The following IL1RAPL1 variants were observed in gnomAD, a reference collection of about 807,000 sequenced individuals.
The protein encoded by IL1RAPL1 is interleukin 1 receptor accessory protein like 1.
IL1RAPL1 carries 3 observed loss-of-function variants against 48.4 expected under a neutral mutation model. That is an observed-to-expected ratio of 0.06 (90% CI 0.03 to 0.16). The LOEUF (loss-of-function observed/expected upper bound fraction) is 0.16. IL1RAPL1 is among the 10% of genes least tolerant of loss of function. IL1RAPL1 has a pLI of 1.00. For missense variants in IL1RAPL1, 349 were observed against 530.6 expected (o/e 0.66, Z 3.36); for synonymous variants, 185 against 187.7 (o/e 0.99, Z 0.12).
chrX:29,243,480 C>T (rs1194911291), intron 2 of IL1RAPL1, among the ~76,000 whole-genome samples: 2 of 111,686 alleles, frequency 1.8e-5, no homozygotes, highest in Non-Finnish European at 3.8e-5. Flanking sequence ...CTGTCACCCT[C>T]TCTCTGGGAC....
At chrX:29,140,869 C>G (rs1270276696) in intron 2 of IL1RAPL1, among the ~76,000 whole-genome samples, 1 of 111,112 alleles carries the variant, frequency 9.0e-6, no homozygotes, top group East Asian at 2.8e-4. Flanking sequence ...ACCTAATTAC[C>G]TGCTAAACAC....
rs758888514 is a variant in IL1RAPL1, at chrX:29,274,042, T to C, written c.83-8896T>C. ...CAAAGTTACATAAATATCCCCATGATTTTTTCCTCAAGTTATCACCCCTTT... is the reference window on the plus strand; with the variant it reads ...CAAAGTTACATAAATATCCCCATGACTTTTTCCTCAAGTTATCACCCCTTT... On this transcript the variant is annotated intron_variant, in intron 2 of 10. Transcript: ENST00000378993. Among the ~76,000 whole-genome samples, 8 of 111,759 alleles carry C rather than the reference T, an allele frequency of 7.2e-5. No homozygotes were observed. The South Asian group carries it at 1.1e-3, about 16-fold the overall frequency.
chrX:29,073,064 G>A (rs970987909), intron 2 of IL1RAPL1, among the ~76,000 whole-genome samples: 3 of 111,802 alleles, frequency 2.7e-5, no homozygotes, highest in African/African-American at 9.7e-5. Context: ...TACAATTTAT[G>A]GAACATATTT....
intron 2 of IL1RAPL1, among the ~76,000 whole-genome samples, chrX:29,263,869 C>T (rs372190603): frequency 9.0e-5 from 9 of 99,872 alleles, no homozygotes; most frequent in East Asian, 3.5e-4. Flanking sequence ...CTCCCCCCCC[C>T]CCGCTCTCAT....
At chrX:29,356,588 C>T (rs926281600) in intron 3 of IL1RAPL1, among the ~76,000 whole-genome samples, 1 of 110,689 alleles carries the variant, frequency 9.0e-6, no homozygotes, top group Non-Finnish European at 1.9e-5. Flanking sequence ...CACACACGCA[C>T]ACACTCACAT....
intron 6 of IL1RAPL1, among the ~76,000 whole-genome samples, chrX:29,869,504 A>C (rs754976288): frequency 9.0e-6 from 1 of 111,608 alleles, no homozygotes; most frequent in Admixed American, 9.6e-5. Context: ...CTTGTGAACT[A>C]TGGGCTTCAA....
chrX:28,982,698 CGAA>C (rs1299953541), intron 2 of IL1RAPL1, among the ~76,000 whole-genome samples: 1 of 111,864 alleles, frequency 8.9e-6, no homozygotes, highest in East Asian at 2.8e-4. Flanking sequence ...AGGTAAGTGC[CGAA>C]TCTGACCACA....
At chrX:29,802,752 T>C (rs1157221852) in intron 6 of IL1RAPL1, among the ~76,000 whole-genome samples, 1 of 17,672 alleles carries the variant, frequency 5.7e-5, no homozygotes, top group Non-Finnish European at 8.9e-5. Flanking sequence ...AAAAATTATA[T>C]ATATATATAT....
chrX:28,985,425 C>G (rs1295969827), intron 2 of IL1RAPL1, among the ~76,000 whole-genome samples: 3 of 111,618 alleles, frequency 2.7e-5, no homozygotes, highest in African/African-American at 9.8e-5. Flanking sequence ...CTAAGTGATC[C>G]TACATAACAC....
At chrX:29,797,186 T>C (rs2147165398) in intron 6 of IL1RAPL1, among the ~76,000 whole-genome samples, 1 of 112,649 alleles carries the variant, frequency 8.9e-6, no homozygotes, top group African/African-American at 3.2e-5. Context: ...TTCCCTAAAG[T>C]CAAAGATTTT....
chrX:29,871,514 G>A (rs1171624532), intron 6 of IL1RAPL1, among the ~76,000 whole-genome samples: 2 of 111,911 alleles, frequency 1.8e-5, no homozygotes, highest in Non-Finnish European at 3.8e-5. Flanking sequence ...AATTCTATAG[G>A]TTTTACCTGC....
chrX:29,802,115 G>A (rs949062705), intron 6 of IL1RAPL1, among the ~76,000 whole-genome samples: 2 of 111,696 alleles, frequency 1.8e-5, no homozygotes, highest in African/African-American at 3.2e-5. Context: ...GGGGGCCATT[G>A]GCCAAAGTTT....
chrX:29,790,815 T>G (rs767417332), intron 6 of IL1RAPL1, among the ~76,000 whole-genome samples: 7 of 111,864 alleles, frequency 6.3e-5, no homozygotes, highest in Non-Finnish European at 1.1e-4. Flanking sequence ...AGCCACTACT[T>G]TACAGTAAAT....
chrX:28,656,753 G>A (rs1029269623), intron 1 of IL1RAPL1, among the ~76,000 whole-genome samples: 8 of 111,677 alleles, frequency 7.2e-5, no homozygotes, highest in South Asian at 3.7e-4. Context: ...ACGGCCGGGC[G>A]TGGTGGCTCA....
At chrX:29,425,916 A>ATC (rs902079534) in intron 5 of IL1RAPL1, among the ~76,000 whole-genome samples, 4 of 111,586 alleles carry the variant, frequency 3.6e-5, no homozygotes, top group South Asian at 7.6e-4. Context: ...CCCTGAAGAC[A>ATC]TCTCAACTAG....
At chrX:29,469,652 G>T (rs1242678219) in intron 5 of IL1RAPL1, among the ~76,000 whole-genome samples, 1 of 111,455 alleles carries the variant, frequency 9.0e-6, no homozygotes, top group Non-Finnish European at 1.9e-5. Context: ...AGAAAATACA[G>T]TGCAAATCCT....
intron 3 of IL1RAPL1, among the ~76,000 whole-genome samples, chrX:29,351,374 A>G (rs1453737868): frequency 1.8e-5 from 2 of 111,383 alleles, no homozygotes; most frequent in Non-Finnish European, 3.8e-5. Flanking sequence ...CCCTGAATCT[A>G]TTTCCTTAAG....
chrX:29,289,805 A>G (rs1932343506), intron 3 of IL1RAPL1, among the ~76,000 whole-genome samples: 1 of 111,743 alleles, frequency 8.9e-6, no homozygotes, highest in African/African-American at 3.2e-5. Context: ...TAAGTATTTC[A>G]TTTTCTTTGG....
In IL1RAPL1 at chrX:29,163,473, G is replaced by T. The variant is rs565802994; in HGVS notation, c.83-119465G>T. On this transcript the variant is annotated intron_variant, in intron 2 of 10. Transcript: ENST00000378993. ...GATAGGCAGTAGGCAATTTGGAAAG[G>T]TGTTCCAGCTCAGAGCAACATGATC... Among the ~76,000 whole-genome samples, 47 of 111,787 alleles carry T rather than the reference G, an allele frequency of 4.2e-4. 1 individual carries two copies. The South Asian group carries it at 0.017, about 41-fold the overall frequency.
Sources: allele counts gnomAD v4.1 joint callset (sites outside exome capture counted in the v4.1 genomes callset), GRCh38; gene constraint gnomAD v4.1.1; transcripts MANE v1.5; gene names NCBI Gene and HGNC (gene_info 2026-07-23, HGNC 2026-07-21).